NTM: variants seen among roughly 807,000 people sequenced by gnomAD.
NTM encodes IgLON family member 2.
NTM carries 13 observed loss-of-function variants against 42.1 expected under a neutral mutation model. The ratio of observed to expected loss-of-function variants is 0.31; its 90% CI spans 0.20 to 0.49. The LOEUF is 0.49. Ranked by LOEUF, NTM falls within the 20% of genes least tolerant of loss-of-function variation. The pLI is 0.99. For missense variants in NTM, 373 were observed against 452.8 expected (o/e 0.82, Z 1.60); for synonymous variants, 187 against 179.2 (o/e 1.04, Z -0.35).
chr11:131,800,670 C>T (rs2136224721), intron 1 of NTM, among the ~76,000 whole-genome samples: 1 of 152,312 alleles, frequency 6.6e-6, no homozygotes, highest in Non-Finnish European at 1.5e-5. Context: ...TGGATGATAG[C>T]AATTGCCTAG....
intron 1 of NTM, among the ~76,000 whole-genome samples, chr11:131,722,215 G>C (rs184515134): frequency 1.5e-4 from 23 of 152,196 alleles, no homozygotes; most frequent in African/African-American, 4.6e-4. Flanking sequence ...CAAAACCACT[G>C]TGTGATTAAA....
At chr11:131,395,190 C>G (rs191835950) in intron 1 of NTM, among the ~76,000 whole-genome samples, 35 of 152,160 alleles carry the variant, frequency 2.3e-4, no homozygotes, top group African/African-American at 8.2e-4. Context: ...GACTCTGACC[C>G]TTCCTTGGTC....
chr11:132,078,331 A>C (rs542355495), intron 2 of NTM, among the ~76,000 whole-genome samples: 1 of 152,220 alleles, frequency 6.6e-6, no homozygotes, highest in African/African-American at 2.4e-5. Context: ...TTGGTAGCAC[A>C]GGGTTAGCAT....
At chr11:131,849,647 C>A (rs1406302259) in intron 1 of NTM, among the ~76,000 whole-genome samples, 2 of 151,906 alleles carry the variant, frequency 1.3e-5, no homozygotes, top group African/African-American at 4.8e-5. Flanking sequence ...ATATCAAGAA[C>A]TCTGGAATCT....
intron 3 of NTM, among the ~76,000 whole-genome samples, chr11:132,172,042 C>G (rs1566371746): frequency 6.6e-6 from 1 of 152,224 alleles, no homozygotes; most frequent in African/African-American, 2.4e-5. Flanking sequence ...AGTCAACTGA[C>G]TCCACATTGG....
At chr11:131,765,197 G>A (rs2084911835) in intron 1 of NTM, among the ~76,000 whole-genome samples, 1 of 152,160 alleles carries the variant, frequency 6.6e-6, no homozygotes, top group Admixed American at 6.5e-5. Context: ...AGAGCAGCCA[G>A]CCCGATCACC....
intron 1 of NTM, among the ~76,000 whole-genome samples, chr11:131,807,416 C>A (rs527515598): frequency 6.6e-6 from 1 of 152,268 alleles, no homozygotes; most frequent in East Asian, 1.9e-4. Flanking sequence ...GAAAGTAGTG[C>A]TAAGAACAGA....
intron 1 of NTM, among the ~76,000 whole-genome samples, chr11:131,895,729 A>C (rs2052164796): frequency 1.3e-5 from 2 of 152,160 alleles, no homozygotes; most frequent in Admixed American, 6.5e-5. Flanking sequence ...CTTTAAAATA[A>C]TTGATTTCAA....
chr11:131,733,967 A>G (rs1467255083), intron 1 of NTM, among the ~76,000 whole-genome samples: 1 of 152,218 alleles, frequency 6.6e-6, no homozygotes, highest in African/African-American at 2.4e-5. Context: ...TGTAAAGAGT[A>G]GTGTTGTTCA....
Position 132,310,203 on chromosome 11 carries a change from A to C in NTM, c.753A>C (p.Ala251=). ...LQCEASAVPS[A]EFQWYKDDKR... is the part of the protein sequence containing the mutation. ...GTGAAGCCTCAGCAGTCCCCTCAGC[A>C]GAATTCCAGTGGTACAAGGATGACA... Residue 251 remains alanine, a synonymous_variant, in exon 6 of 9, where the codon GCA becomes GCC. Coordinates refer to ENST00000683400, the MANE Select transcript of NTM (RefSeq NM_001352005.2). 1 of 1,610,478 alleles carries C rather than the reference A, an allele frequency of 6.2e-7. No individual in the cohort carries two copies. Among genetic ancestry groups the C allele is most frequent in the Non-Finnish European group, 8.5e-7 (1 of 1,178,592 alleles).
intron 2 of NTM, among the ~76,000 whole-genome samples, chr11:131,976,746 T>C (rs908126039): frequency 3.9e-5 from 6 of 152,166 alleles, no homozygotes; most frequent in Non-Finnish European, 7.3e-5. Flanking sequence ...CAGGCCTCTG[T>C]TTCTAATTTG....
chr11:131,627,459 T>C (rs1377453798), intron 1 of NTM, among the ~76,000 whole-genome samples: 1 of 152,150 alleles, frequency 6.6e-6, no homozygotes, highest in Non-Finnish European at 1.5e-5. Context: ...ATCTTGACTA[T>C]TGATGGCCAG....
At chr11:131,583,524 A>C (rs1341210024) in intron 1 of NTM, among the ~76,000 whole-genome samples, 7 of 152,224 alleles carry the variant, frequency 4.6e-5, no homozygotes, top group Non-Finnish European at 1.0e-4. Flanking sequence ...CACCCTGGCA[A>C]GTGTGCAATT....
chr11:132,165,637 AG>A (rs895273362), intron 3 of NTM, among the ~76,000 whole-genome samples: 1 of 152,072 alleles, frequency 6.6e-6, no homozygotes, highest in Non-Finnish European at 1.5e-5. Flanking sequence ...ACTGAGGCTC[AG>A]GGGGGGTTTA....
chr11:131,410,516 C>CA (rs1265864987), intron 1 of NTM, among the ~76,000 whole-genome samples: 2 of 33,372 alleles, frequency 6.0e-5, no homozygotes, highest in Non-Finnish European at 1.5e-4. Context: ...CAAACAATAA[C>CA]CAAAAAAAAA....
intron 1 of NTM, among the ~76,000 whole-genome samples, chr11:131,481,990 C>T (rs4937627): frequency 0.095 from 14,496 of 151,952 alleles, 1,144 homozygotes; most frequent in East Asian, 0.45. Context: ...AGATAGATGC[C>T]GCTAACATTT....
In NTM at chr11:131,659,724, G is replaced by A. The variant is rs543286554; in HGVS notation, c.83-251840G>A. 3.1e-4 allele frequency among the ~76,000 whole-genome samples: 47 copies of A among 152,228 alleles called. 1 individual carries two copies. Among genetic ancestry groups the A allele is most frequent in the African/African-American group, 1.1e-3 (46 of 41,544 alleles). ...TGTGATCGGGATGCAATATTTGACC[G>A]TAATTCCATTTCTGGCAGAGCATCT... On this transcript the variant is annotated intron_variant, in intron 1 of 8. Transcript: ENST00000683400.
rs576934548 is a variant in NTM, at chr11:132,099,329, G to A, written c.168-46953G>A. ...AGTGTCTTGGAGGTCTTCTAATCCA[G>A]TGGTGGTCAAATATTTTTTATCTCA... On this transcript the variant is annotated intron_variant, in intron 2 of 8. Coordinates refer to ENST00000683400, the MANE Select transcript of NTM (RefSeq NM_001352005.2). Among the ~76,000 whole-genome samples the A allele has an allele frequency of 2.0e-5, 3 of 152,274 alleles. No homozygotes were observed. In the East Asian group the frequency reaches 5.8e-4, roughly 29 times the overall value.
At chr11:131,558,552 C>T (rs1001244723) in intron 1 of NTM, among the ~76,000 whole-genome samples, 4 of 152,174 alleles carry the variant, frequency 2.6e-5, no homozygotes, top group African/African-American at 7.2e-5. Context: ...GTTAGGATTT[C>T]CTACCTTTTT....
Sources: allele counts gnomAD v4.1 joint callset (sites outside exome capture counted in the v4.1 genomes callset), GRCh38; gene constraint gnomAD v4.1.1; transcripts MANE v1.5; gene names NCBI Gene and HGNC (gene_info 2026-07-23, HGNC 2026-07-21).